SYT1: variants seen among roughly 807,000 people sequenced by gnomAD.
SYT1 encodes the protein synaptotagmin-1.
SYT1 carries 8 observed loss-of-function variants against 44.8 expected under a neutral mutation model. The ratio of observed to expected loss-of-function variants is 0.18; its 90% confidence interval spans 0.10 to 0.32. The LOEUF (loss-of-function observed/expected upper bound fraction) is 0.32, where lower values mean the gene tolerates loss of function less well. Ranked by LOEUF, SYT1 falls within the 10% of genes least tolerant of loss-of-function variation. The pLI is 1.00. For missense variants in SYT1, 286 were observed against 509.3 expected, an observed-to-expected ratio of 0.56 and a Z score of 4.22; for synonymous variants, 154 against 188.8, an observed-to-expected ratio of 0.82 and a Z score of 1.51.
chr12:79,086,394 A>G (rs562176829), intron 3 of SYT1, among the ~76,000 whole-genome samples: 1 of 152,294 alleles, frequency 6.6e-6, no homozygotes, highest in South Asian at 2.1e-4. Flanking sequence ...ATTAAAAGAT[A>G]CTGAGGAATG....
At chr12:79,351,998 T>C (rs1001282293) in intron 8 of SYT1, among the ~76,000 whole-genome samples, 3 of 152,088 alleles carry the variant, frequency 2.0e-5, no homozygotes, top group African/African-American at 7.2e-5. Flanking sequence ...TAGAGATGTA[T>C]GGTAAAATGC....
chr12:79,414,369 G>T (rs376693799), intron 9 of SYT1, among the ~76,000 whole-genome samples: 8 of 152,264 alleles, frequency 5.3e-5, no homozygotes, highest in Admixed American at 3.9e-4. Flanking sequence ...GTGTGTGTAT[G>T]TGTGTGTGTT....
intron 2 of SYT1, among the ~76,000 whole-genome samples, chr12:79,018,841 A>C (rs143242393): frequency 1.1e-3 from 172 of 152,122 alleles, no homozygotes; most frequent in Middle Eastern, 3.4e-3. Flanking sequence ...GTAGTTATAA[A>C]ATTTTGTATG....
chr12:79,363,793 G>C (rs754672302), intron 9 of SYT1, among the ~76,000 whole-genome samples: 9 of 150,846 alleles, frequency 6.0e-5, no homozygotes, highest in Non-Finnish European at 1.0e-4. Context: ...AGTATATACT[G>C]TTTCTACTTG....
At chr12:78,937,466 A>G (rs1878124648) in intron 1 of SYT1, among the ~76,000 whole-genome samples, 2 of 152,150 alleles carry the variant, frequency 1.3e-5, no homozygotes, top group South Asian at 4.1e-4. Context: ...GAGGATTATC[A>G]TTGAAACACA....
intron 3 of SYT1, among the ~76,000 whole-genome samples, chr12:79,180,277 G>T (rs1298536271): frequency 1.3e-5 from 2 of 151,928 alleles, no homozygotes; most frequent in East Asian, 3.9e-4. Flanking sequence ...ACAAGCATAA[G>T]AATTCCTTAC....
chr12:79,206,413 G>A (rs1874129771), intron 3 of SYT1, among the ~76,000 whole-genome samples: 1 of 152,088 alleles, frequency 6.6e-6, no homozygotes, highest in Non-Finnish European at 1.5e-5. Context: ...AACATCAGCA[G>A]GAATAATAAC....
chr12:79,260,967 G>A (rs957806899), intron 4 of SYT1, among the ~76,000 whole-genome samples: 4 of 152,120 alleles, frequency 2.6e-5, no homozygotes, highest in Non-Finnish European at 5.9e-5. Flanking sequence ...CTGCATGTCT[G>A]CATCACTGTG....
At position 79,156,514 on chromosome 12, in the gene SYT1, C is replaced by T. The variant is rs558133042; in HGVS notation, c.-17-60989C>T. 3.3e-5 allele frequency among the ~76,000 whole-genome samples: 5 copies of T among 152,166 alleles called. No homozygotes were observed. In the South Asian group the frequency reaches 1.0e-3, roughly 32 times the overall value. On this transcript the variant is annotated intron_variant, in intron 3 of 10. Coordinates refer to ENST00000261205, the MANE Select transcript of SYT1 (RefSeq NM_005639.3). The stretch of plus-strand genomic sequence containing the variant: ...ATGGAGTCTCGCTCTGTCTCCCAGG[C>T]TGGAGTGCAGTGGCATGATCTCAGC...
At chr12:78,929,409 C>CAAAAAAAAAAAAAAAA (rs10646738) in intron 1 of SYT1, among the ~76,000 whole-genome samples, 952 of 43,788 alleles carry the variant, frequency 0.022, 464 homozygotes, top group East Asian at 0.059. Flanking sequence ...GACTCCGTCC[C>CAAAAAAAAAAAAAAAA]AAAAAAAAAA....
intron 3 of SYT1, among the ~76,000 whole-genome samples, chr12:79,161,573 C>T (rs1870952462): frequency 6.6e-6 from 1 of 152,144 alleles, no homozygotes; most frequent in Non-Finnish European, 1.5e-5. Context: ...AAAACTACTA[C>T]TATATAATGG....
chr12:79,066,395 A>G (rs943140871), intron 3 of SYT1, among the ~76,000 whole-genome samples: 6 of 151,936 alleles, frequency 3.9e-5, no homozygotes, highest in Admixed American at 3.9e-4. Context: ...TTTATAAGCC[A>G]GAGGTACAGG....
intron 3 of SYT1, among the ~76,000 whole-genome samples, chr12:79,123,427 C>A (rs1868317369): frequency 1.3e-5 from 2 of 151,554 alleles, no homozygotes; most frequent in South Asian, 4.2e-4. Flanking sequence ...AAAATAAACA[C>A]CTAATGTTTA....
chr12:79,412,221 T>C (rs1471388413), intron 9 of SYT1, among the ~76,000 whole-genome samples: 2 of 152,140 alleles, frequency 1.3e-5, no homozygotes, highest in African/African-American at 2.4e-5. Flanking sequence ...GCTGTCCGCA[T>C]GCACAGTGGC....
chr12:79,130,960 C>T (rs1316966723), intron 3 of SYT1, among the ~76,000 whole-genome samples: 1 of 152,122 alleles, frequency 6.6e-6, no homozygotes, highest in Admixed American at 6.6e-5. Flanking sequence ...TGAGACAGGG[C>T]ATTGAACAGG....
At chr12:79,243,042 G>A (rs1418016299) in intron 4 of SYT1, among the ~76,000 whole-genome samples, 6 of 152,218 alleles carry the variant, frequency 3.9e-5, no homozygotes, top group Admixed American at 1.3e-4. Flanking sequence ...AGGCAAGAGA[G>A]CATGTGCAGG....
At chr12:79,238,577 A>G (rs1876323975) in intron 4 of SYT1, among the ~76,000 whole-genome samples, 1 of 152,214 alleles carries the variant, frequency 6.6e-6, no homozygotes, top group Non-Finnish European at 1.5e-5. Flanking sequence ...GACAAGTAGA[A>G]TTACAGCTCA....
chr12:79,290,234 T>C (rs2138844691), intron 5 of SYT1, among the ~76,000 whole-genome samples: 1 of 152,322 alleles, frequency 6.6e-6, no homozygotes, highest in East Asian at 1.9e-4. Context: ...TTATATGACC[T>C]TCCCACCTGA....
intron 9 of SYT1, among the ~76,000 whole-genome samples, chr12:79,381,164 C>A (rs1301033307): frequency 6.6e-6 from 1 of 152,170 alleles, no homozygotes; most frequent in African/African-American, 2.4e-5. Flanking sequence ...GAATGGCCTA[C>A]TATATTATTA....
Sources: allele counts gnomAD v4.1 joint callset (sites outside exome capture counted in the v4.1 genomes callset), GRCh38; gene constraint gnomAD v4.1.1; transcripts MANE v1.5; gene names NCBI Gene and HGNC (gene_info 2026-07-23, HGNC 2026-07-21).